Variants in CRTAP observed in about 807,000 individuals in gnomAD.
CRTAP encodes the protein cartilage associated protein.
Under a neutral mutation model 42.7 loss-of-function variants are expected in CRTAP, and 33 were observed. That is an observed-to-expected ratio of 0.77 (90% confidence interval 0.59 to 1.03). The LOEUF (loss-of-function observed/expected upper bound fraction) is 1.03. CRTAP is among the 50% of genes least tolerant of loss of function. CRTAP has a pLI of 0.00. For missense variants in CRTAP, 613 were observed against 533.9 expected (o/e 1.15, Z -1.46); for synonymous variants, 243 against 217.7 (o/e 1.12, Z -1.02).
intron 1 of CRTAP, 92 bp downstream of exon 1, chr3:33,114,640 C>T: frequency 3.2e-6 from 4 of 1,253,724 alleles, no homozygotes. Flanking sequence ...GGCCGCGTTG[C>T]CCCTCCAGTT....
chr3:33,120,938 C>T (rs1439804229), intron 2 of CRTAP, among the ~76,000 whole-genome samples: 4 of 152,164 alleles, frequency 2.6e-5, no homozygotes, highest in Non-Finnish European at 5.9e-5. Context: ...GCTGATGTGA[C>T]AGAGTAGAGG....
intron 1 of CRTAP, among the ~76,000 whole-genome samples, chr3:33,118,868 C>T (rs1263785551): frequency 3.3e-5 from 5 of 152,182 alleles, no homozygotes; most frequent in Admixed American, 6.5e-5. Flanking sequence ...GGACTTCTGC[C>T]GTCTTGAACA....
At chr3:33,133,139 C>T (rs539347264) in intron 5 of CRTAP, among the ~76,000 whole-genome samples, 4 of 152,276 alleles carry the variant, frequency 2.6e-5, no homozygotes, top group Admixed American at 6.5e-5. Context: ...TCTGTAAAAA[C>T]TCTACAAATT....
At chr3:33,137,832 C>T (rs76821069) in intron 6 of CRTAP, among the ~76,000 whole-genome samples, 4,290 of 152,280 alleles carry the variant, frequency 0.028, 78 homozygotes, top group Non-Finnish European at 0.043. Context: ...GTAATTTTAA[C>T]TCCTGCATTT....
chr3:33,141,486 A>G (rs575191716), intron 6 of CRTAP, among the ~76,000 whole-genome samples: 1 of 152,332 alleles, frequency 6.6e-6, no homozygotes, highest in South Asian at 2.1e-4. Context: ...TTTTCCAGTT[A>G]TTCCCAAATG....
intron 3 of CRTAP, among the ~76,000 whole-genome samples, chr3:33,126,266 C>T (rs1360274015): frequency 1.3e-5 from 2 of 152,216 alleles, no homozygotes; most frequent in African/African-American, 2.4e-5. Flanking sequence ...ATAATGTCCT[C>T]GTTTCATCCA....
At chr3:33,139,307 G>GA (rs898419430) in intron 6 of CRTAP, among the ~76,000 whole-genome samples, 4 of 150,316 alleles carry the variant, frequency 2.7e-5, no homozygotes, top group East Asian at 1.9e-4. Flanking sequence ...TGTCTCTCTG[G>GA]AAAAAAAAAG....
Position 33,142,539 on chromosome 3 carries a change from A to G in CRTAP, c.*91A>G. On this transcript the variant is annotated 3_prime_UTR_variant, in exon 7 of 7. Transcript: ENST00000320954. ...ACAGCCCAGGCTGTTGATACCTCAG[A>G]GCCTTCTCTTTACTCTCCAAAGTGA... 8.0e-7 allele frequency: 1 copy of G among 1,250,644 alleles called. No homozygotes were observed. Among genetic ancestry groups the G allele is most frequent in the Non-Finnish European group, 1.2e-6 (1 of 853,282 alleles). The allele number at this position is 1,250,644 out of a possible 1,614,324, so 77.5% of individuals were successfully genotyped here.
rs897979877 is a variant in CRTAP, at chr3:33,144,406, G to A, written c.*1958G>A. 1 of 152,234 alleles carries A rather than the reference G, an allele frequency of 6.6e-6. No individual in the cohort carries two copies. Among genetic ancestry groups the A allele is most frequent in the Non-Finnish European group, 1.5e-5 (1 of 68,054 alleles). The allele number at this position is 152,234 out of a possible 1,614,324, so 9.4% of individuals were successfully genotyped here. A position where few individuals can be genotyped will look rare whatever the true frequency, so the allele number is the denominator to read the frequency against. ...TCAGGTCAGGTCTGCAGCAGAGCTC[G>A]AGACAGGGATCTGAATGCACTTGGT... On this transcript the variant is annotated 3_prime_UTR_variant, in exon 7 of 7. Transcript: ENST00000320954.
intron 3 of CRTAP, among the ~76,000 whole-genome samples, chr3:33,126,792 A>G (rs1490803005): frequency 1.3e-5 from 2 of 152,204 alleles, no homozygotes; most frequent in African/African-American, 4.8e-5. Flanking sequence ...GACATCAATC[A>G]ATATATGTAA....
intron 2 of CRTAP, among the ~76,000 whole-genome samples, chr3:33,122,627 C>G (rs1246544528): frequency 1.4e-5 from 2 of 146,634 alleles, no homozygotes; most frequent in African/African-American, 5.1e-5. Context: ...AGAGAATTGC[C>G]TGAACCCAGG....
At chr3:33,129,177 T>C (rs959557885) in intron 3 of CRTAP, among the ~76,000 whole-genome samples, 27 of 152,230 alleles carry the variant, frequency 1.8e-4, no homozygotes, top group Admixed American at 9.8e-4. Flanking sequence ...TTGGAAAATA[T>C]GTGTATTTTA....
In CRTAP at chr3:33,114,346, C is replaced by A. The variant is rs1485641882; in HGVS notation, c.269C>A (p.Ala90Asp). Reference sequence around the variant, plus strand: ...GCCTTCTGCCACCGCAACTGCAGCGCCGCGCCGCAGCCCGAGCCCGCCGCC... The same window carrying A: ...GCCTTCTGCCACCGCAACTGCAGCGACGCGCCGCAGCCCGAGCCCGCCGCC... ...SEAFCHRNCS[A>D]APQPEPAAGL... The change falls in exon 1 of 7, where the codon GCC (alanine) becomes GAC (aspartate). Residue 90 changes from alanine to aspartate, a missense_variant. Ala to Asp is a moderately radical substitution (Grantham distance 126). Transcript: ENST00000320954. The A allele has an allele frequency of 1.3e-6, 2 of 1,527,490 alleles. No homozygotes were observed. The highest frequency in any genetic ancestry group is 8.7e-7 in the Non-Finnish European group (1 of 1,144,034). The allele number at this position is 1,527,490 out of a possible 1,614,324, so 94.6% of individuals were successfully genotyped here.
At chr3:33,119,066 G>A (rs1357239711) in intron 1 of CRTAP, among the ~76,000 whole-genome samples, 1 of 152,134 alleles carries the variant, frequency 6.6e-6, no homozygotes, top group Non-Finnish European at 1.5e-5. Flanking sequence ...GCTCTTTTGT[G>A]AGTGCAGGCT....
Position 33,114,074 on chromosome 3 carries a change from C to G in CRTAP, c.-4C>G, listed in dbSNP as rs960786680. On this transcript the variant is annotated 5_prime_UTR_variant, in exon 1 of 7. Coordinates refer to ENST00000320954, the MANE Select transcript of CRTAP (RefSeq NM_006371.5). ...CCCTTCCTTCCTTCCTTTCGCCGGG[C>G]GCGATGGAGCCGGGGCGCCGGGGGG... 5 of 1,457,654 alleles carry G rather than the reference C, an allele frequency of 3.4e-6. No individual in the cohort carries two copies. The highest frequency in any genetic ancestry group is 4.5e-6 in the Non-Finnish European group (5 of 1,111,232). 90.3% of individuals were successfully genotyped at this position (1,457,654 alleles called of 1,614,324 possible).
At chr3:33,136,134 A>G (rs554377982) in intron 6 of CRTAP, among the ~76,000 whole-genome samples, 2 of 152,320 alleles carry the variant, frequency 1.3e-5, no homozygotes, top group East Asian at 3.9e-4. Flanking sequence ...GACATTTCAT[A>G]TAAATGGAAA....
chr3:33,142,612 GCCTTT>G lies in CRTAP; in HGVS notation c.*168_*172del, dbSNP rs1415904994. ...ACTGCATGTCATCAGGGGTGAGCCT[GCCTTT>G]CCTATCTTCACACCTGCCACCTCAT... On this transcript the variant is annotated 3_prime_UTR_variant, in exon 7 of 7. Coordinates refer to ENST00000320954, the MANE Select transcript of CRTAP (RefSeq NM_006371.5). 1 of 636,056 alleles carries G rather than the reference GCCTTT, an allele frequency of 1.6e-6. No individual in the cohort carries two copies. The highest frequency in any genetic ancestry group is 2.8e-6 in the Non-Finnish European group (1 of 362,978). 39.4% of individuals were successfully genotyped at this position (636,056 alleles called of 1,614,324 possible).
At position 33,114,277 on chromosome 3, in the gene CRTAP, T is replaced by G; in HGVS notation, c.200T>G (p.Leu67Arg). 3.2e-6 allele frequency: 5 copies of G among 1,580,038 alleles called. No individual in the cohort carries two copies. Among genetic ancestry groups the G allele is most frequent in the Non-Finnish European group, 4.3e-6 (5 of 1,169,972 alleles). ...CACTGGGCCGAGAGCGTGGGCTACC[T>G]GGAGATCAGCCTGCGGCTGCACCGC... ...GEHWAESVGY[L>R]EISLRLHRLL... Residue 67 changes from leucine (L) to arginine (R), a missense_variant, in exon 1 of 7, where the codon CTG becomes CGG. Physicochemically the swap from Leu to Arg is moderately radical, Grantham distance 102. Transcript: ENST00000320954.
chr3:33,145,178 C>G lies in CRTAP; in HGVS notation c.*2730C>G, dbSNP rs1208005932. 6.6e-6 allele frequency: 1 copy of G among 152,588 alleles called. No individual in the cohort carries two copies. The highest frequency in any genetic ancestry group is 1.5e-5 in the Non-Finnish European group (1 of 68,366). The allele number at this position is 152,588 out of a possible 1,614,324, so 9.5% of individuals were successfully genotyped here. ...TCTCCTTCAGCTCTATCCTGCTTTC[C>G]TCATCCCTTCTGACACCACGTCCTC... On this transcript the variant is annotated 3_prime_UTR_variant, in exon 7 of 7. Coordinates refer to ENST00000320954, the MANE Select transcript of CRTAP (RefSeq NM_006371.5). This position sits in a 1 kb window ranked among gnomAD's most constrained non-coding sequence, Gnocchi z 4.3.
Sources: gnomAD v4.1 joint callset for allele counts (sites outside exome capture counted in the v4.1 genomes callset) on GRCh38, gnomAD v4.1.1 for gene constraint, Gnocchi (gnomAD v3.1) non-coding constraint, MANE v1.5 for transcripts, NCBI Gene and HGNC (gene_info 2026-07-23, HGNC 2026-07-21) for gene names.